The following GLDC variants were observed in gnomAD, a reference collection of about 807,000 sequenced individuals.
GLDC encodes glycine decarboxylase.
GLDC carries 104 observed loss-of-function variants against 121.3 expected under a neutral mutation model. The ratio of observed to expected loss-of-function variants is 0.86; its 90% CI spans 0.73 to 1.01. The LOEUF is 1.01. GLDC is among the 50% of genes least tolerant of loss of function. The pLI is 0.00. For synonymous variants in GLDC, 546 were observed against 480.6 expected (o/e 1.14, Z -1.78); for missense variants, 1,429 against 1,306.6 (o/e 1.09, Z -1.44).
In GLDC at chr9:6,636,846, G is replaced by A. The variant is rs567706784; in HGVS notation, c.334+7768C>T. 9.2e-5 allele frequency among the ~76,000 whole-genome samples: 14 copies of A among 152,034 alleles called. No homozygotes were observed. The South Asian group carries it at 1.5e-3, about 16-fold the overall frequency. ...TGACTGTAATCCCAGCACTTTGGGA[G>A]GCTGAGGCGGGCAGATCACTTGAGG... On this transcript the variant is annotated intron_variant, in intron 2 of 24. Transcript: ENST00000321612.
intron 20 of GLDC, among the ~76,000 whole-genome samples, chr9:6,552,078 G>A (rs118141496): frequency 1.3e-5 from 2 of 152,284 alleles, no homozygotes; most frequent in East Asian, 3.9e-4. Flanking sequence ...CGAGAGATAC[G>A]TGGGGGCCTA....
At chr9:6,601,717 C>A (rs1818615028) in intron 8 of GLDC, among the ~76,000 whole-genome samples, 1 of 151,986 alleles carries the variant, frequency 6.6e-6, no homozygotes, top group South Asian at 2.1e-4. Context: ...CTCAACCTCC[C>A]AGATTCTGGT....
intron 9 of GLDC, 196 bp from the exon 10 acceptor site, chr9:6,593,186 T>C (rs541561229): frequency 3.4e-6 from 2 of 591,928 alleles, no homozygotes; most frequent in South Asian, 4.1e-5. Flanking sequence ...TATAAAAGAG[T>C]AAGGAAAATC....
At chr9:6,584,562 A>T (rs1818230459) in intron 15 of GLDC, among the ~76,000 whole-genome samples, 1 of 152,232 alleles carries the variant, frequency 6.6e-6, no homozygotes, top group Non-Finnish European at 1.5e-5. Context: ...AATCACTTAT[A>T]TATGGAATAT....
intron 16 of GLDC, among the ~76,000 whole-genome samples, chr9:6,559,867 C>T (rs772052103): frequency 6.6e-6 from 1 of 152,132 alleles, no homozygotes; most frequent in African/African-American, 2.4e-5. Context: ...CCCGGGTTCA[C>T]ACAACTCACT....
intron 3 of GLDC, among the ~76,000 whole-genome samples, chr9:6,613,391 C>A (rs1489172407): frequency 6.6e-6 from 1 of 152,068 alleles, no homozygotes; most frequent in Non-Finnish European, 1.5e-5. Flanking sequence ...CTTTGGGAGG[C>A]CAAGGTGGGA....
rs55748139 is a variant in GLDC at position 6,576,517 on chromosome 9, G to C, written c.1850+10624C>G. The stretch of plus-strand genomic sequence containing the variant: ...GTTTCACTCTTGTCGCCCAGGCTGG[G>C]GTGCAGTGGTGCGATCTTGGCTCAC... On this transcript the variant is annotated intron_variant, in intron 15 of 24. Coordinates refer to ENST00000321612, the MANE Select transcript of GLDC (RefSeq NM_000170.3). 7.5e-3 allele frequency among the ~76,000 whole-genome samples: 1,146 copies of C among 151,996 alleles called. 7 individuals carry two copies. The highest frequency in any genetic ancestry group is 0.017 in the Middle Eastern group (5 of 294).
intron 2 of GLDC, among the ~76,000 whole-genome samples, chr9:6,629,145 C>T (rs895781092): frequency 1.3e-4 from 19 of 151,832 alleles, no homozygotes; most frequent in African/African-American, 4.4e-4. Flanking sequence ...CCTAAAATAG[C>T]AACAGTTTTG....
intron 15 of GLDC, among the ~76,000 whole-genome samples, chr9:6,568,667 G>A (rs1318283755): frequency 2.0e-5 from 3 of 151,844 alleles, no homozygotes; most frequent in Non-Finnish European, 4.4e-5. Flanking sequence ...GGCCAACATG[G>A]TGAAACCCCA....
intron 2 of GLDC, among the ~76,000 whole-genome samples, chr9:6,629,042 G>A (rs544636471): frequency 6.6e-5 from 10 of 151,716 alleles, no homozygotes; most frequent in African/African-American, 2.4e-4. Flanking sequence ...GCTTCTGCTT[G>A]CTAAATTCTG....
intron 8 of GLDC, among the ~76,000 whole-genome samples, chr9:6,596,408 C>T (rs1818495077): frequency 6.6e-6 from 1 of 152,018 alleles, no homozygotes; most frequent in Admixed American, 6.6e-5. Flanking sequence ...AAATAGAGAC[C>T]AAGAAAATGA....
chr9:6,599,956 C>T (rs960217439), intron 8 of GLDC, among the ~76,000 whole-genome samples: 1 of 152,128 alleles, frequency 6.6e-6, no homozygotes, highest in African/African-American at 2.4e-5. Context: ...TTGCCCACTG[C>T]CTTCCTGGAG....
intron 17 of GLDC, 147 bp downstream of exon 17, chr9:6,558,412 G>T: frequency 1.1e-6 from 1 of 877,632 alleles, no homozygotes; most frequent in Non-Finnish European, 1.9e-6. Flanking sequence ...GGTGATGGGA[G>T]GGGTAGAGTA....
Position 6,556,164 on chromosome 9 carries a change from T to A in GLDC, c.2191A>T (p.Met731Leu), listed in dbSNP as rs545419197. The change falls in exon 18 of 25, where the codon ATG becomes TTG. Residue 731 changes from methionine (M) to leucine (L), a missense_variant. Coordinates refer to ENST00000321612, the MANE Select transcript of GLDC (RefSeq NM_000170.3). ...TCTTCAGTTCCCACCTGAGCATTCATATTTGCCCCGTCTAGGTAGACCTGT... is the reference window on the plus strand; with the variant it reads ...TCTTCAGTTCCCACCTGAGCATTCAAATTTGCCCCGTCTAGGTAGACCTGT... The part of the protein sequence containing the change: ...GGQVYLDGAN[M>L]NAQVGICRPG... 5 of 1,612,764 alleles carry A rather than the reference T, an allele frequency of 3.1e-6. No individual in the cohort carries two copies. The South Asian group carries it at 5.5e-5, about 18-fold the overall frequency.
At chr9:6,571,134 A>C (rs1359065909) in intron 15 of GLDC, among the ~76,000 whole-genome samples, 1 of 152,140 alleles carries the variant, frequency 6.6e-6, no homozygotes, top group Non-Finnish European at 1.5e-5. Flanking sequence ...TCTAAAATGC[A>C]TATGTAAAGG....
intron 3 of GLDC, among the ~76,000 whole-genome samples, chr9:6,611,555 CAAAAAAAAA>C (rs34302796): frequency 7.1e-6 from 1 of 141,036 alleles, no homozygotes; most frequent in African/African-American, 2.7e-5. Flanking sequence ...GACTCCGTCT[CAAAAAAAAA>C]AAAAAAATTA....
intron 22 of GLDC, among the ~76,000 whole-genome samples, chr9:6,537,848 ACC>A (rs1817167698): frequency 6.6e-6 from 1 of 151,878 alleles, no homozygotes; most frequent in Admixed American, 6.6e-5. Flanking sequence ...TATACCCACC[ACC>A]TAGATTCTAC....
chr9:6,634,527 TCAAACAAA>T (rs140567848), intron 2 of GLDC, among the ~76,000 whole-genome samples: 4 of 147,336 alleles, frequency 2.7e-5, no homozygotes, highest in South Asian at 2.2e-4. Context: ...AGACCGTGTC[TCAAACAAA>T]CAAACAAACA....
chr9:6,581,399 C>A (rs534460306), intron 15 of GLDC, among the ~76,000 whole-genome samples: 13 of 152,182 alleles, frequency 8.5e-5, no homozygotes, highest in African/African-American at 2.9e-4. Flanking sequence ...CTGTGCTTTC[C>A]GGGATCAGCA....
Sources: allele counts gnomAD v4.1 joint callset (sites outside exome capture counted in the v4.1 genomes callset), GRCh38; gene constraint gnomAD v4.1.1; transcripts MANE v1.5; gene names NCBI Gene and HGNC (gene_info 2026-07-23, HGNC 2026-07-21).